The following LRRC34 variants were observed in gnomAD, a reference collection of about 807,000 sequenced individuals.
LRRC34 encodes leucine-rich repeat-containing protein 34.
Under a neutral mutation model 48.5 loss-of-function variants are expected in LRRC34, and 44 were observed. The ratio of observed to expected loss-of-function variants is 0.91; its 90% CI spans 0.71 to 1.17. LRRC34 has a LOEUF of 1.17. LRRC34 is among the 50% of genes most tolerant of loss of function. LRRC34 has a pLI of 0.00. For synonymous variants in LRRC34, 192 were observed against 197.6 expected (o/e 0.97, Z 0.24); for missense variants, 502 against 563.0 (o/e 0.89, Z 1.10).
At chr3:169,800,155 C>G (rs976577291) in intron 7 of LRRC34, among the ~76,000 whole-genome samples, 2 of 152,132 alleles carry the variant, frequency 1.3e-5, no homozygotes, top group Non-Finnish European at 2.9e-5. Flanking sequence ...GAGAAGAAAG[C>G]CACCCAGAAG....
intron 3 of LRRC34, 22 bp from the exon 4 acceptor site, chr3:169,807,512 G>A (rs958395999): frequency 1.9e-6 from 3 of 1,611,950 alleles, no homozygotes; most frequent in Non-Finnish European, 2.5e-6. Context: ...ATGAATAGAA[G>A]TGGATATTCA....
At chr3:169,797,925 T>G (rs760804556) in intron 7 of LRRC34, among the ~76,000 whole-genome samples, 6 of 152,216 alleles carry the variant, frequency 3.9e-5, no homozygotes, top group African/African-American at 7.2e-5. Context: ...AAAAGGTACC[T>G]AGCACAAAAT....
At position 169,812,530 on chromosome 3, in the gene LRRC34, G is replaced by C. The variant is rs866062550; in HGVS notation, c.19C>G (p.Arg7Gly). The change falls in exon 1 of 11, where the codon CGG becomes GGG. Residue 7 changes from arginine to glycine, a missense_variant. Transcript: ENST00000446859. This position sits in a 1 kb window ranked among gnomAD's most constrained non-coding sequence, Gnocchi z 4.3. MAAQPP[R>G]PVGERSMGSS... ...CCCATGCTCCTCTCACCCACTGGCC[G>C]CGGCGGCTGCGCTGCCATGGCGACC... 6.6e-7 allele frequency: 1 copy of C among 1,504,978 alleles called. No individual in the cohort carries two copies. The allele number at this position is 1,504,978 out of a possible 1,614,324, so 93.2% of individuals were successfully genotyped here.
intron 5 of LRRC34, among the ~76,000 whole-genome samples, chr3:169,804,868 T>C (rs749444973): frequency 6.6e-6 from 1 of 152,238 alleles, no homozygotes; most frequent in Non-Finnish European, 1.5e-5. Flanking sequence ...ACATTCACAA[T>C]ATTGCACAGT....
At chr3:169,794,197 G>C (rs968247206) in intron 10 of LRRC34, 3 of 187,672 alleles carry the variant, frequency 1.6e-5, no homozygotes, top group Non-Finnish European at 3.3e-5. Flanking sequence ...GAATAGGTAG[G>C]GGGGCTCGGT....
intron 1 of LRRC34, 131 bp from the exon 2 acceptor site, chr3:169,808,876 G>A: frequency 1.7e-6 from 1 of 573,724 alleles, no homozygotes. Flanking sequence ...AAAGGAAACA[G>A]AATTAAGGTT....
chr3:169,810,421 A>AT (rs572823991), intron 1 of LRRC34, among the ~76,000 whole-genome samples: 9 of 152,202 alleles, frequency 5.9e-5, no homozygotes, highest in Non-Finnish European at 1.0e-4. Context: ...TTAAATTAAC[A>AT]TTATATTGTA....
intron 10 of LRRC34, 34 bp from the exon 11 acceptor site, chr3:169,793,872 G>GA (rs1248365024): frequency 2.8e-6 from 4 of 1,453,252 alleles, no homozygotes; most frequent in East Asian, 2.3e-5. Flanking sequence ...ATATCATTAA[G>GA]AAAAAATGTA....
intron 10 of LRRC34, chr3:169,794,062 C>A (rs1232668350): frequency 2.4e-6 from 1 of 411,894 alleles, no homozygotes; most frequent in Non-Finnish European, 4.3e-6. Context: ...TTATTTCTAA[C>A]TTTTAATGTA....
At chr3:169,798,349 A>AT (rs1260406756) in intron 7 of LRRC34, among the ~76,000 whole-genome samples, 1 of 152,168 alleles carries the variant, frequency 6.6e-6, no homozygotes, top group Non-Finnish European at 1.5e-5. Context: ...TGGCATCAGT[A>AT]TTTTTCAAGC....
chr3:169,793,969 G>A (rs1778891140), intron 10 of LRRC34, 131 bp from the exon 11 acceptor site: 1 of 575,790 alleles, frequency 1.7e-6, no homozygotes, highest in Admixed American at 3.6e-5. Context: ...GAATAACATT[G>A]CTGAATTTTA....
intron 1 of LRRC34, among the ~76,000 whole-genome samples, chr3:169,810,892 C>G (rs1779539570): frequency 6.6e-6 from 1 of 152,202 alleles, no homozygotes; most frequent in Non-Finnish European, 1.5e-5. Flanking sequence ...TGGTGAAACC[C>G]TATCTCTACC....
At chr3:169,798,071 CGCCAACCAT>C (rs1779061135) in intron 7 of LRRC34, among the ~76,000 whole-genome samples, 1 of 152,114 alleles carries the variant, frequency 6.6e-6, no homozygotes, top group African/African-American at 2.4e-5. Context: ...TAAAAATGCA[CGCCAACCAT>C]GCTAAAGGGA....
In LRRC34 at chr3:169,796,894, C is replaced by T. The variant is rs753843921; in HGVS notation, c.759G>A (p.Glu253=). 3 of 1,561,164 alleles carry T rather than the reference C, an allele frequency of 1.9e-6. No homozygotes were observed. Among genetic ancestry groups the T allele is most frequent in the Non-Finnish European group, 2.6e-6 (3 of 1,153,228 alleles). The change falls in exon 8 of 11, where the codon GAG becomes GAA. Residue 253 remains glutamate (E), a synonymous_variant. Coordinates refer to ENST00000446859, the MANE Select transcript of LRRC34 (RefSeq NM_001172779.2). ...ACATGCGGCCTACATGGACTGTAGA[C>T]TCTTCCTAAAAGTGGATAAAATCTT... The part of the protein sequence containing the change: ...NRPILYSEQE[E]STVHVGRMLK...
chr3:169,800,259 T>C (rs1779143239), intron 7 of LRRC34, among the ~76,000 whole-genome samples: 1 of 152,196 alleles, frequency 6.6e-6, no homozygotes, highest in Non-Finnish European at 1.5e-5. Context: ...TTTGCTTTTA[T>C]TACTCATGAT....
chr3:169,797,140 T>C, intron 7 of LRRC34: 1 of 279,182 alleles, frequency 3.6e-6, no homozygotes, highest in Non-Finnish European at 6.6e-6. Flanking sequence ...GCTACCTAAG[T>C]GATGTAAAAG....
chr3:169,808,170 C>G (rs1370772920), intron 2 of LRRC34: 1 of 155,576 alleles, frequency 6.4e-6, no homozygotes, highest in Admixed American at 6.5e-5. Context: ...AAAAATTAGC[C>G]GGGCATGGTG....
At chr3:169,794,661 G>A (rs565135201) in intron 10 of LRRC34, 8 of 152,204 alleles carry the variant, frequency 5.3e-5, no homozygotes, top group East Asian at 1.9e-4. Context: ...TGATCCCCCC[G>A]CCTTAGCCTC....
Position 169,812,639 on chromosome 3 carries a change from G to T in LRRC34, c.-91C>A. ...GCCTGCTTCGAGTCCCGCTGGCTGT[G>T]CCTGCCCGGGCCCTGAGGCCTCACT... is the stretch of plus-strand genomic sequence containing the variant. On this transcript the variant is annotated 5_prime_UTR_variant, in exon 1 of 11. Coordinates refer to ENST00000446859, the MANE Select transcript of LRRC34 (RefSeq NM_001172779.2). This position sits in a 1 kb window ranked among gnomAD's most constrained non-coding sequence, Gnocchi z 4.3. 1 of 1,396,514 alleles carries T rather than the reference G, an allele frequency of 7.2e-7. No individual in the cohort carries two copies. Among genetic ancestry groups the T allele is most frequent in the African/African-American group, 1.5e-5 (1 of 65,790 alleles). The allele number at this position is 1,396,514 out of a possible 1,614,324, so 86.5% of individuals were successfully genotyped here.
Sources: gnomAD v4.1 joint callset for allele counts (sites outside exome capture counted in the v4.1 genomes callset) on GRCh38, gnomAD v4.1.1 for gene constraint, Gnocchi (gnomAD v3.1) non-coding constraint, MANE v1.5 for transcripts, NCBI Gene and HGNC (gene_info 2026-07-23, HGNC 2026-07-21) for gene names.